PTCHD4: variants seen among roughly 807,000 people sequenced by gnomAD.
The protein encoded by PTCHD4 is patched domain containing 4.
A neutral mutation model predicts 58.1 loss-of-function variants in PTCHD4; 33 were observed. That is an observed-to-expected ratio of 0.57 (90% confidence interval 0.43 to 0.76). The LOEUF is 0.76. PTCHD4 is among the 30% of genes least tolerant of loss of function. The pLI, the probability that PTCHD4 is intolerant of heterozygous loss-of-function variation, is 0.00. For synonymous variants in PTCHD4, 478 were observed against 409.6 expected (o/e 1.17, Z -2.02); for missense variants, 1,058 against 1,027.1 (o/e 1.03, Z -0.41).
intron 3 of PTCHD4, among the ~76,000 whole-genome samples, chr6:48,030,024 G>A (rs1306280237): frequency 6.6e-6 from 1 of 152,002 alleles, no homozygotes; most frequent in Non-Finnish European, 1.5e-5. Context: ...AGGTACTACA[G>A]GTGAAGTCTG....
At chr6:48,011,347 T>G (rs2114090247) in intron 3 of PTCHD4, among the ~76,000 whole-genome samples, 1 of 152,370 alleles carries the variant, frequency 6.6e-6, no homozygotes, top group East Asian at 1.9e-4. Flanking sequence ...GAGGTTTTCT[T>G]CATATGTTTA....
chr6:47,933,617 T>C (rs1765899307), intron 4 of PTCHD4, among the ~76,000 whole-genome samples: 1 of 152,196 alleles, frequency 6.6e-6, no homozygotes, highest in African/African-American at 2.4e-5. Context: ...TTTGGCCTAG[T>C]AGGTAGGGCA....
intron 4 of PTCHD4, among the ~76,000 whole-genome samples, chr6:47,946,226 G>A (rs1476408141): frequency 6.6e-6 from 1 of 151,970 alleles, no homozygotes; most frequent in African/African-American, 2.4e-5. Flanking sequence ...TGTTCATTGT[G>A]TTGTTGAAAT....
At position 47,875,714 on chromosome 6, in the gene PTCHD4, T is replaced by C. The variant is rs1034528441; in HGVS notation, c.*2589A>G. Among the ~76,000 whole-genome samples the C allele has an allele frequency of 1.3e-5, 2 of 151,872 alleles. No homozygotes were observed. The highest frequency in any genetic ancestry group is 4.8e-5 in the African/African-American group (2 of 41,392). On this transcript the variant is annotated 3_prime_UTR_variant, in exon 5 of 5. Transcript: ENST00000339488. ...TTTCCCTATCTAAACAGAGACTATC[T>C]GGATGGAGACATAATATTAGATCTG...
chr6:47,951,426 T>C (rs1766645091), intron 4 of PTCHD4, among the ~76,000 whole-genome samples: 1 of 152,212 alleles, frequency 6.6e-6, no homozygotes, highest in African/African-American at 2.4e-5. Context: ...GTGTGACTAG[T>C]GCTGGGCACT....
intron 3 of PTCHD4, among the ~76,000 whole-genome samples, chr6:48,032,606 T>C (rs1243865394): frequency 1.3e-5 from 2 of 152,104 alleles, no homozygotes; most frequent in Non-Finnish European, 2.9e-5. Context: ...ATTAAGAATA[T>C]TTTGACAATA....
chr6:47,965,430 A>C (rs1227188943), intron 4 of PTCHD4, among the ~76,000 whole-genome samples: 2 of 152,316 alleles, frequency 1.3e-5, no homozygotes, highest in African/African-American at 4.8e-5. Context: ...TATTCTCTTT[A>C]AAAAGATCTC....
chr6:47,975,568 T>C (rs1767664756), intron 4 of PTCHD4, among the ~76,000 whole-genome samples: 1 of 152,178 alleles, frequency 6.6e-6, no homozygotes, highest in Admixed American at 6.5e-5. Flanking sequence ...TTGTCTTGCA[T>C]TGTAAGATTG....
intron 4 of PTCHD4, among the ~76,000 whole-genome samples, chr6:47,916,505 G>T (rs143207577): frequency 1.3e-5 from 2 of 152,030 alleles, no homozygotes; most frequent in East Asian, 3.9e-4. Flanking sequence ...ATAATCAGTC[G>T]ATTAGGAAAA....
intron 4 of PTCHD4, among the ~76,000 whole-genome samples, chr6:47,932,583 A>G (rs1765863186): frequency 6.6e-6 from 1 of 152,254 alleles, no homozygotes; most frequent in Non-Finnish European, 1.5e-5. Context: ...TTTTTCAATG[A>G]GTCTAATGAT....
intron 1 of PTCHD4, among the ~76,000 whole-genome samples, chr6:48,100,748 G>A (rs1367610499): frequency 6.6e-6 from 1 of 152,148 alleles, no homozygotes; most frequent in Non-Finnish European, 1.5e-5. Flanking sequence ...TCCTCTCATT[G>A]TTCTGTGTGT....
chr6:48,090,424 TTA>T (rs1205079590), intron 1 of PTCHD4, among the ~76,000 whole-genome samples: 3 of 152,302 alleles, frequency 2.0e-5, no homozygotes, highest in Non-Finnish European at 4.4e-5. Flanking sequence ...GATAGTTAAC[TTA>T]TATTGTTTCT....
intron 1 of PTCHD4, among the ~76,000 whole-genome samples, chr6:48,084,138 TTG>T (rs1765217774): frequency 6.6e-6 from 1 of 152,246 alleles, no homozygotes; most frequent in Admixed American, 6.5e-5. Flanking sequence ...GAATGAAATT[TTG>T]TGTGTTTCAT....
intron 4 of PTCHD4, among the ~76,000 whole-genome samples, chr6:48,003,081 C>G (rs1768799582): frequency 6.6e-6 from 1 of 152,096 alleles, no homozygotes; most frequent in East Asian, 1.9e-4. Context: ...TTTTCTGAAT[C>G]CCTCATCTTC....
intron 4 of PTCHD4, among the ~76,000 whole-genome samples, chr6:47,962,543 C>T (rs112649126): frequency 2.0e-4 from 31 of 152,126 alleles, no homozygotes; most frequent in African/African-American, 5.5e-4. Flanking sequence ...TGAGTTCTCA[C>T]GAGAACTGAG....
intron 3 of PTCHD4, among the ~76,000 whole-genome samples, chr6:48,060,713 G>A (rs1033320661): frequency 2.0e-5 from 3 of 152,092 alleles, no homozygotes; most frequent in Admixed American, 6.5e-5. Context: ...GGGCTCAAAC[G>A]ATCCACCCAC....
At chr6:47,966,207 G>C (rs1286591481) in intron 4 of PTCHD4, among the ~76,000 whole-genome samples, 1 of 152,122 alleles carries the variant, frequency 6.6e-6, no homozygotes, top group Non-Finnish European at 1.5e-5. Flanking sequence ...TTCAGTTCCA[G>C]ACCACCACAA....
At chr6:47,965,004 G>A (rs377295405) in intron 4 of PTCHD4, among the ~76,000 whole-genome samples, 26 of 152,080 alleles carry the variant, frequency 1.7e-4, no homozygotes, top group South Asian at 6.2e-4. Context: ...CTGCCATTAC[G>A]TATTTGTATT....
At chr6:47,994,657 T>A (rs1208564039) in intron 4 of PTCHD4, among the ~76,000 whole-genome samples, 3 of 152,220 alleles carry the variant, frequency 2.0e-5, no homozygotes, top group Non-Finnish European at 4.4e-5. Flanking sequence ...AACAGCCTTG[T>A]GTATTTGGAT....
Sources: gnomAD v4.1 joint callset for allele counts (sites outside exome capture counted in the v4.1 genomes callset) on GRCh38, gnomAD v4.1.1 for gene constraint, MANE v1.5 for transcripts, NCBI Gene and HGNC (gene_info 2026-07-23, HGNC 2026-07-21) for gene names.